The following SPATA6 variants were observed in gnomAD, a reference collection of about 807,000 sequenced individuals.
SPATA6 encodes the protein spermatogenesis associated 6, also known as spermatogenesis-associated protein 6.
In SPATA6, 56 loss-of-function variants were observed where a neutral mutation model predicts 65.3. The ratio of observed to expected loss-of-function variants is 0.86; its 90% CI spans 0.69 to 1.07. The LOEUF is 1.07. SPATA6 is among the 50% of genes least tolerant of loss of function. The pLI is 0.00. For synonymous variants in SPATA6, 199 were observed against 213.2 expected, an observed-to-expected ratio of 0.93 and a Z score of 0.58; for missense variants, 590 against 594.8, an observed-to-expected ratio of 0.99 and a Z score of 0.08.
chr1:48,411,703 T>A (rs1652251706), intron 4 of SPATA6, 115 bp from the exon 5 acceptor site: 1 of 894,616 alleles, frequency 1.1e-6, no homozygotes, highest in Non-Finnish European at 1.5e-6. Flanking sequence ...CTGTTTTGGG[T>A]CATGTTTATT....
intron 9 of SPATA6, among the ~76,000 whole-genome samples, chr1:48,360,153 T>C (rs1293251603): frequency 6.6e-6 from 1 of 152,132 alleles, no homozygotes; most frequent in Non-Finnish European, 1.5e-5. Context: ...GGTCTAATAC[T>C]CATTCACTAC....
chr1:48,281,508 A>G, the SPATA6 span, among the ~76,000 whole-genome samples: 1 of 152,194 alleles, frequency 6.6e-6, no homozygotes, highest in African/African-American at 2.4e-5. Context: ...AAATCAATGT[A>G]CAAGAATCAC....
At chr1:48,412,605 G>C (rs754448067) in intron 4 of SPATA6, among the ~76,000 whole-genome samples, 2 of 152,152 alleles carry the variant, frequency 1.3e-5, no homozygotes, top group Non-Finnish European at 2.9e-5. Context: ...TTCTCAACTT[G>C]GGAAGAGGAG....
the SPATA6 span, among the ~76,000 whole-genome samples, chr1:48,278,703 T>A: frequency 6.6e-6 from 1 of 152,176 alleles, no homozygotes; most frequent in East Asian, 1.9e-4. Flanking sequence ...AATCTACATC[T>A]GATTGGCGTA....
intron 1 of SPATA6, among the ~76,000 whole-genome samples, chr1:48,459,928 T>A (rs991903242): frequency 6.6e-6 from 1 of 152,084 alleles, no homozygotes; most frequent in African/African-American, 2.4e-5. Context: ...TCCAACTGAA[T>A]AAAAGTGAAA....
At chr1:48,278,241 A>T in the SPATA6 span, among the ~76,000 whole-genome samples, 1 of 152,226 alleles carries the variant, frequency 6.6e-6, no homozygotes, top group Non-Finnish European at 1.5e-5. Context: ...AAAAAAACAG[A>T]ACAGAAAAAC....
intron 9 of SPATA6, among the ~76,000 whole-genome samples, chr1:48,361,718 T>A (rs1646818840): frequency 6.6e-6 from 1 of 152,186 alleles, no homozygotes; most frequent in Admixed American, 6.6e-5. Flanking sequence ...AGATCTTCCA[T>A]TATTTATTTA....
Position 48,395,413 on chromosome 1 carries a change from T to A in SPATA6, c.781-59A>T. 3 of 1,253,952 alleles carry A rather than the reference T, an allele frequency of 2.4e-6. No homozygotes were observed. The East Asian group carries it at 8.3e-5, about 35-fold the overall frequency. 77.7% of individuals were successfully genotyped at this position (1,253,952 alleles called of 1,614,324 possible). ...TTTAAACATTCCTAGACTTTCAATC[T>A]CATGGTACCAGAAAAACTACTAGAG... On this transcript the variant is annotated intron_variant, in intron 7 of 12. Transcript: ENST00000371847.
intron 11 of SPATA6, among the ~76,000 whole-genome samples, chr1:48,319,026 T>G (rs1444755679): frequency 6.6e-6 from 1 of 152,186 alleles, no homozygotes; most frequent in Non-Finnish European, 1.5e-5. Flanking sequence ...GGGAGCAATC[T>G]TTTTAAGAAA....
chr1:48,413,404 C>T (rs971199658), intron 3 of SPATA6, among the ~76,000 whole-genome samples: 2 of 151,094 alleles, frequency 1.3e-5, no homozygotes, highest in African/African-American at 4.9e-5. Flanking sequence ...ATTCCCCTGC[C>T]TCAGCCTCCC....
chr1:48,349,674 C>T (rs1005777170), intron 11 of SPATA6, among the ~76,000 whole-genome samples: 3 of 151,882 alleles, frequency 2.0e-5, no homozygotes, highest in African/African-American at 7.2e-5. Context: ...CTTCTGTCCC[C>T]CTCCTTACAA....
chr1:48,418,301 TGA>T (rs942479032), intron 3 of SPATA6, among the ~76,000 whole-genome samples: 3 of 152,022 alleles, frequency 2.0e-5, no homozygotes, highest in Non-Finnish European at 2.9e-5. Context: ...GGTACTAATA[TGA>T]GTTTGGCTTC....
chr1:48,295,289 A>T (rs960203465), downstream of SPATA6: 8 of 152,234 alleles, frequency 5.3e-5, no homozygotes, highest in Non-Finnish European at 8.8e-5. Flanking sequence ...ACTTGTATAC[A>T]AGTGTTCAGA....
chr1:48,262,587 T>C, the SPATA6 span: 6 of 152,274 alleles, frequency 3.9e-5, 1 homozygote, highest in South Asian at 1.0e-3. Context: ...ATCAATGGGA[T>C]ATTAGCCGTT....
intron 9 of SPATA6, among the ~76,000 whole-genome samples, chr1:48,367,570 T>C (rs1440334912): frequency 6.6e-6 from 1 of 152,156 alleles, no homozygotes; most frequent in Non-Finnish European, 1.5e-5. Context: ...TTGTCTCTTT[T>C]GATCTTTGTT....
rs115645956 is a variant in SPATA6 at position 48,339,563 on chromosome 1, A to G, written c.1194+16107T>C. ...TAGAGAAAGTTTAAGACTTGGAAAAATTGGTATCTATAAAAATGAATCAAG... is the reference window on the plus strand; with the variant it reads ...TAGAGAAAGTTTAAGACTTGGAAAAGTTGGTATCTATAAAAATGAATCAAG... On this transcript the variant is annotated intron_variant, in intron 11 of 12. Transcript: ENST00000371847. 5.8e-3 allele frequency among the ~76,000 whole-genome samples: 882 copies of G among 152,130 alleles called. 12 individuals carry two copies. The highest frequency in any genetic ancestry group is 0.021 in the African/African-American group (859 of 41,544).
chr1:48,471,480 A>G (rs1557745359), intron 1 of SPATA6, among the ~76,000 whole-genome samples: 1 of 152,132 alleles, frequency 6.6e-6, no homozygotes. Context: ...GAATAAAGAA[A>G]GGCCCCTTCA....
At chr1:48,434,844 G>A (rs1654744597) in intron 3 of SPATA6, among the ~76,000 whole-genome samples, 1 of 151,980 alleles carries the variant, frequency 6.6e-6, no homozygotes, top group African/African-American at 2.4e-5. Context: ...TATACATTAG[G>A]CATAACTTAT....
intron 9 of SPATA6, among the ~76,000 whole-genome samples, chr1:48,382,967 A>C (rs1176381210): frequency 2.5e-5 from 3 of 118,978 alleles, no homozygotes. Context: ...TGACCCCCCC[A>C]CCTCCCTCCC....
Sources: gnomAD v4.1 joint callset for allele counts (sites outside exome capture counted in the v4.1 genomes callset) on GRCh38, gnomAD v4.1.1 for gene constraint, MANE v1.5 for transcripts, NCBI Gene and HGNC (gene_info 2026-07-23, HGNC 2026-07-21) for gene names.